MBD5: variants seen among roughly 807,000 people sequenced by gnomAD.
MBD5 encodes methyl-CpG binding domain protein 5.
Under a neutral mutation model 117.3 loss-of-function variants are expected in MBD5, and 13 were observed. The observed-to-expected ratio is 0.11, with a 90% confidence interval of 0.07 to 0.18. The LOEUF is 0.18. Among genes scored for constraint, MBD5 ranks in the 10% least tolerant of loss-of-function variants. The pLI is 1.00. For missense variants in MBD5, 1,879 were observed against 2,093.8 expected, an observed-to-expected ratio of 0.90 and a Z score of 2.00; for synonymous variants, 727 against 766.4, an observed-to-expected ratio of 0.95 and a Z score of 0.85.
At chr2:148,498,171 C>T (rs752979404) in intron 11 of MBD5, among the ~76,000 whole-genome samples, 11 of 152,296 alleles carry the variant, frequency 7.2e-5, no homozygotes, top group East Asian at 1.9e-4. Flanking sequence ...GTTATAAGAT[C>T]GATGATGTGG....
rs373559257 is a variant in MBD5 at position 148,180,570 on chromosome 2, G to A, written c.-831+1777G>A. Among the ~76,000 whole-genome samples, 49 of 151,704 alleles carry A rather than the reference G, an allele frequency of 3.2e-4. 1 individual carries two copies. The East Asian group carries it at 8.8e-3, about 27-fold the overall frequency. On this transcript the variant is annotated intron_variant, in intron 2 of 13. Coordinates refer to ENST00000642680, the MANE Select transcript of MBD5 (RefSeq NM_001378120.1). ...TTTTGAGGCAGGGTCTTATTCTGTT[G>A]CCCAGGTTGGAATACAGTGGCATAA...
chr2:148,313,355 G>C (rs561670012), intron 3 of MBD5, among the ~76,000 whole-genome samples: 4 of 152,326 alleles, frequency 2.6e-5, no homozygotes, highest in South Asian at 4.1e-4. Context: ...TGTTCTCAGA[G>C]AGGAGGAATC....
intron 4 of MBD5, among the ~76,000 whole-genome samples, chr2:148,398,619 G>A (rs1174915500): frequency 6.6e-6 from 1 of 152,068 alleles, no homozygotes; most frequent in Non-Finnish European, 1.5e-5. Context: ...TCACTCTGAT[G>A]GTAGTTTCTT....
intron 4 of MBD5, among the ~76,000 whole-genome samples, chr2:148,360,381 T>TAC (rs1272127456): frequency 6.6e-6 from 1 of 152,030 alleles, no homozygotes; most frequent in East Asian, 1.9e-4. Flanking sequence ...AGTGTGCACA[T>TAC]ACACACACAC....
At chr2:148,065,621 T>A (rs1695167342) in intron 1 of MBD5, among the ~76,000 whole-genome samples, 1 of 152,202 alleles carries the variant, frequency 6.6e-6, no homozygotes. Flanking sequence ...AAAGATCATA[T>A]GAGTTGCTTC....
At chr2:148,324,786 A>C (rs1409251962) in intron 3 of MBD5, among the ~76,000 whole-genome samples, 2 of 152,104 alleles carry the variant, frequency 1.3e-5, no homozygotes, top group African/African-American at 4.8e-5. Flanking sequence ...GCAAACAGGG[A>C]CAATTTGACT....
intron 1 of MBD5, among the ~76,000 whole-genome samples, chr2:148,108,820 T>A (rs1696437857): frequency 6.6e-6 from 1 of 152,138 alleles, no homozygotes; most frequent in Admixed American, 6.6e-5. Flanking sequence ...AAGGCTAAAA[T>A]CCCAACCGAT....
At chr2:148,079,905 A>AAC (rs1695606228) in intron 1 of MBD5, among the ~76,000 whole-genome samples, 6 of 148,408 alleles carry the variant, frequency 4.0e-5, no homozygotes, top group Non-Finnish European at 6.0e-5. Context: ...ACAACAACAA[A>AAC]AACTTGCTTT....
At chr2:148,477,166 A>G (rs1680994071) in intron 8 of MBD5, among the ~76,000 whole-genome samples, 1 of 152,116 alleles carries the variant, frequency 6.6e-6, no homozygotes, top group Non-Finnish European at 1.5e-5. Flanking sequence ...CTCCATCACC[A>G]CCACGAGACT....
intron 2 of MBD5, among the ~76,000 whole-genome samples, chr2:148,205,959 G>T (rs961396497): frequency 5.9e-5 from 9 of 151,984 alleles, no homozygotes; most frequent in African/African-American, 1.7e-4. Context: ...TGGGCAACAT[G>T]GCGAAACCCC....
At chr2:148,354,286 C>A (rs911959430) in intron 4 of MBD5, among the ~76,000 whole-genome samples, 5 of 151,738 alleles carry the variant, frequency 3.3e-5, no homozygotes, top group Admixed American at 1.3e-4. Context: ...CACCAACAGG[C>A]CCCAGTGTGT....
At chr2:148,303,701 T>C (rs930107804) in intron 3 of MBD5, among the ~76,000 whole-genome samples, 3 of 152,166 alleles carry the variant, frequency 2.0e-5, no homozygotes, top group African/African-American at 7.2e-5. Context: ...TTATGGACAA[T>C]TTCATGTGGT....
In MBD5 at chr2:148,483,766, C is replaced by A. The variant is rs1043443688; in HGVS notation, c.3175C>A (p.Pro1059Thr). 5.8e-6 allele frequency: 9 copies of A among 1,550,484 alleles called. No individual in the cohort carries two copies. The highest frequency in any genetic ancestry group is 2.0e-5 in the Admixed American group (1 of 50,990). ...AACCAGCCCCCTGGGGAACCCTTTA[C>A]CAAGCTTTGCAGGCAGTGACACTAC... ...LLTSPLGNPL[P>T]SFAGSDTTFN... The change falls in exon 9 of 14, where the codon CCA becomes ACA. Residue 1059 changes from proline to threonine, a missense_variant. Around this residue, in one of 4 missense-constraint regions of MBD5, gnomAD observed 1,666 missense variants for 1,792.2 expected, o/e 0.93. Transcript: ENST00000642680.
At chr2:148,336,814 C>G (rs1702801533) in intron 3 of MBD5, among the ~76,000 whole-genome samples, 1 of 152,174 alleles carries the variant, frequency 6.6e-6, no homozygotes, top group African/African-American at 2.4e-5. Context: ...CTGCTTGGCC[C>G]TTGGCCTTTT....
intron 5 of MBD5, among the ~76,000 whole-genome samples, chr2:148,459,358 G>A (rs1018030610): frequency 6.6e-6 from 1 of 152,060 alleles, no homozygotes; most frequent in Non-Finnish European, 1.5e-5. Context: ...GCGTGTAATA[G>A]TAAAAGTGAA....
intron 4 of MBD5, among the ~76,000 whole-genome samples, chr2:148,398,545 G>T (rs1367754862): frequency 6.6e-6 from 1 of 152,072 alleles, no homozygotes; most frequent in Non-Finnish European, 1.5e-5. Context: ...GTAGATTCTG[G>T]GTATTAGCCC....
chr2:148,034,232 T>G (rs1223570815), intron 1 of MBD5, among the ~76,000 whole-genome samples: 2 of 152,136 alleles, frequency 1.3e-5, no homozygotes. Flanking sequence ...TTTACTAAAT[T>G]TATCTAATAA....
At chr2:148,204,933 G>T (rs1231844160) in intron 2 of MBD5, among the ~76,000 whole-genome samples, 2 of 151,912 alleles carry the variant, frequency 1.3e-5, no homozygotes, top group Non-Finnish European at 2.9e-5. Flanking sequence ...TAGAGCTAAA[G>T]AACAAAATGT....
chr2:148,134,235 G>C (rs563532821), intron 1 of MBD5, among the ~76,000 whole-genome samples: 1 of 32,440 alleles, frequency 3.1e-5, no homozygotes, highest in East Asian at 6.7e-4. Flanking sequence ...TAGATAGATA[G>C]ATCGATCGAT....
Sources: gnomAD v4.1 joint callset for allele counts (sites outside exome capture counted in the v4.1 genomes callset) on GRCh38, gnomAD v4.1.1 for gene constraint, gnomAD v4.1.1 regional missense constraint, MANE v1.5 for transcripts, NCBI Gene and HGNC (gene_info 2026-07-23, HGNC 2026-07-21) for gene names.